RASEF: variants seen among roughly 807,000 people sequenced by gnomAD.
The protein encoded by RASEF is ras and EF-hand domain-containing protein.
RASEF carries 68 observed loss-of-function variants against 90.1 expected under a neutral mutation model. The ratio of observed to expected loss-of-function variants is 0.75; its 90% CI spans 0.62 to 0.92. The LOEUF (loss-of-function observed/expected upper bound fraction) is 0.92. Ranked by LOEUF, RASEF falls within the 40% of genes least tolerant of loss-of-function variation. The probability of loss-of-function intolerance (pLI) is 0.00; values close to 1 mark genes in which losing one functional copy is unlikely to be tolerated. For synonymous variants in RASEF, 331 were observed against 345.2 expected, an observed-to-expected ratio of 0.96 and a Z score of 0.46; for missense variants, 949 against 937.2, an observed-to-expected ratio of 1.01 and a Z score of -0.16.
chr9:83,181,353 T>C, the RASEF span, among the ~76,000 whole-genome samples: 1 of 152,146 alleles, frequency 6.6e-6, no homozygotes, highest in Non-Finnish European at 1.5e-5. Context: ...AAGGAGCAGA[T>C]TTCATCTCTA....
At chr9:83,131,163 G>C in the RASEF span, among the ~76,000 whole-genome samples, 1 of 152,124 alleles carries the variant, frequency 6.6e-6, no homozygotes, top group African/African-American at 2.4e-5. Flanking sequence ...CAAATGACAG[G>C]ATCATCTATG....
At chr9:83,043,246 C>A (rs1034092004) in intron 1 of RASEF, among the ~76,000 whole-genome samples, 3 of 152,094 alleles carry the variant, frequency 2.0e-5, no homozygotes, top group African/African-American at 7.2e-5. Context: ...GTGGAATAGA[C>A]TACATCAGTG....
At chr9:83,214,893 C>T in the RASEF span, among the ~76,000 whole-genome samples, 1 of 151,990 alleles carries the variant, frequency 6.6e-6, no homozygotes, top group Non-Finnish European at 1.5e-5. Context: ...TAAAGACCCA[C>T]AGCCCTAAAC....
chr9:83,138,967 C>A, the RASEF span, among the ~76,000 whole-genome samples: 505 of 152,192 alleles, frequency 3.3e-3, 13 homozygotes, highest in Admixed American at 0.028. Context: ...GACAGAGCAA[C>A]CATTTGGTTA....
chr9:83,085,231 T>C, the RASEF span, among the ~76,000 whole-genome samples: 31 of 152,362 alleles, frequency 2.0e-4, no homozygotes, highest in African/African-American at 7.2e-4. Context: ...CAACTTCTTA[T>C]AATCAGTCAG....
At chr9:83,121,992 G>A in the RASEF span, among the ~76,000 whole-genome samples, 1 of 152,104 alleles carries the variant, frequency 6.6e-6, no homozygotes, top group Non-Finnish European at 1.5e-5. Context: ...TTGTTCTGGG[G>A]GTTAAAATAA....
rs998642512 is a variant in RASEF at position 83,011,298 on chromosome 9, T to G, written c.843+1136A>C. Among the ~76,000 whole-genome samples the G allele has an allele frequency of 5.9e-5, 9 of 152,268 alleles. No individual in the cohort carries two copies. The South Asian group carries it at 1.9e-3, about 32-fold the overall frequency. On this transcript the variant is annotated intron_variant, in intron 5 of 16. Coordinates refer to ENST00000376447, the MANE Select transcript of RASEF (RefSeq NM_152573.4). ...TGCCAGGTGCGGTGGCTCACGCCTATAATCCCAGCACTTTGGGAGGCCAAA... is the reference window on the plus strand; with the variant it reads ...TGCCAGGTGCGGTGGCTCACGCCTAGAATCCCAGCACTTTGGGAGGCCAAA...
intron 16 of RASEF, among the ~76,000 whole-genome samples, chr9:82,983,774 G>T (rs1160283808): frequency 1.3e-5 from 2 of 152,214 alleles, no homozygotes; most frequent in African/African-American, 4.8e-5. Flanking sequence ...GAAGTCCAGG[G>T]TTCAAGGAGT....
At chr9:83,097,222 T>G in the RASEF span, among the ~76,000 whole-genome samples, 3 of 152,220 alleles carry the variant, frequency 2.0e-5, no homozygotes, top group African/African-American at 7.2e-5. Context: ...TCTTCCACAA[T>G]GGTTGAACTA....
At chr9:83,190,769 G>A in the RASEF span, among the ~76,000 whole-genome samples, 1 of 152,130 alleles carries the variant, frequency 6.6e-6, no homozygotes, top group Admixed American at 6.6e-5. Flanking sequence ...CAATTGCCAT[G>A]ACTCTGCTGA....
chr9:83,111,763 G>A, the RASEF span, among the ~76,000 whole-genome samples: 1 of 151,660 alleles, frequency 6.6e-6, no homozygotes, highest in Non-Finnish European at 1.5e-5. Flanking sequence ...AGAAAAAAAT[G>A]GATGAATATG....
At chr9:83,025,170 T>G (rs1829521598) in intron 2 of RASEF, among the ~76,000 whole-genome samples, 1 of 152,186 alleles carries the variant, frequency 6.6e-6, no homozygotes, top group Non-Finnish European at 1.5e-5. Flanking sequence ...TTAAATGGAC[T>G]GTATTAGAGT....
intron 9 of RASEF, among the ~76,000 whole-genome samples, chr9:83,002,473 A>C (rs1829058823): frequency 6.6e-6 from 1 of 151,250 alleles, no homozygotes; most frequent in African/African-American, 2.4e-5. Context: ...ATATACTGTT[A>C]ATAACAATAA....
the RASEF span, among the ~76,000 whole-genome samples, chr9:83,132,467 C>T: frequency 2.6e-5 from 4 of 152,262 alleles, no homozygotes; most frequent in Admixed American, 2.6e-4. Context: ...GTGAATCCTT[C>T]CCAGATTCCT....
chr9:83,083,755 T>G, the RASEF span, among the ~76,000 whole-genome samples: 375 of 152,282 alleles, frequency 2.5e-3, 3 homozygotes, highest in African/African-American at 8.6e-3. Context: ...TGTAACAAGA[T>G]AGGCACTTTC....
chr9:83,035,705 T>A (rs1251933962), intron 1 of RASEF, among the ~76,000 whole-genome samples: 1 of 152,146 alleles, frequency 6.6e-6, no homozygotes, highest in Non-Finnish European at 1.5e-5. Context: ...GTAGGTATAT[T>A]ATAGTTATTT....
chr9:83,031,189 T>C (rs1441158495), intron 1 of RASEF, among the ~76,000 whole-genome samples: 3 of 152,262 alleles, frequency 2.0e-5, no homozygotes, highest in Non-Finnish European at 2.9e-5. Context: ...GTTGGCATTA[T>C]GGTTTCCTAT....
chr9:83,040,120 C>T (rs552161745), intron 1 of RASEF, among the ~76,000 whole-genome samples: 39 of 152,284 alleles, frequency 2.6e-4, no homozygotes, highest in South Asian at 1.9e-3. Context: ...GCTCCTCCCT[C>T]GCCTCCCAGC....
chr9:82,997,619 T>C (rs965932619), intron 13 of RASEF, among the ~76,000 whole-genome samples: 1 of 152,154 alleles, frequency 6.6e-6, no homozygotes, highest in Non-Finnish European at 1.5e-5. Context: ...AGATTCACCT[T>C]GGGAAGAGAA....
Sources: allele counts gnomAD v4.1 joint callset (sites outside exome capture counted in the v4.1 genomes callset), GRCh38; gene constraint gnomAD v4.1.1; transcripts MANE v1.5; gene names NCBI Gene and HGNC (gene_info 2026-07-23, HGNC 2026-07-21).